Variants in TPRG1L observed in about 807,000 individuals in gnomAD.
The protein encoded by TPRG1L is tumor protein p63 regulated 1 like, also known as tumor protein p63-regulated gene 1-like protein.
A neutral mutation model predicts 29.4 loss-of-function variants in TPRG1L; 25 were observed. That is an observed-to-expected ratio of 0.85 (90% CI 0.62 to 1.19). The LOEUF (loss-of-function observed/expected upper bound fraction) is 1.19. Among genes scored for constraint, TPRG1L ranks in the 50% most tolerant of loss-of-function variants. The pLI, the probability that TPRG1L is intolerant of heterozygous loss-of-function variation, is 0.00. For missense variants in TPRG1L, 354 were observed against 364.4 expected (o/e 0.97, Z 0.23); for synonymous variants, 182 against 151.1 (o/e 1.20, Z -1.50).
chr1:3,625,541 G>T, intron 2 of TPRG1L, 26 bp downstream of exon 2: 1 of 1,572,548 alleles, frequency 6.4e-7, no homozygotes, highest in Non-Finnish European at 8.6e-7. Flanking sequence ...GCTCTCCTTG[G>T]TGGGGGGACT....
In TPRG1L at chr1:3,628,280, C is replaced by CA. The variant is rs1248235297; in HGVS notation, c.625-127dup. The CA allele has an allele frequency of 5.1e-6, 4 of 781,394 alleles. No individual in the cohort carries two copies. In the East Asian group the frequency reaches 8.0e-5, roughly 16 times the overall value. 48.4% of individuals were successfully genotyped at this position (781,394 alleles called of 1,614,324 possible). A position where few individuals can be genotyped will look rare whatever the true frequency, so the allele number is the denominator to read the frequency against. On this transcript the variant is annotated intron_variant, in intron 4 of 4. Coordinates refer to ENST00000378344, the MANE Select transcript of TPRG1L (RefSeq NM_182752.4). ...CAGGATGTGGCAGAGGCAGCCCTTT[C>CA]AAGTGAAGGGACGAAGAGATAGGCG...
At position 3,625,363 on chromosome 1, in the gene TPRG1L, G is replaced by A. The variant is rs1644476339; in HGVS notation, c.202-61G>A. The A allele has an allele frequency of 1.6e-5, 25 of 1,543,614 alleles. No homozygotes were observed. The South Asian group carries it at 2.9e-4, about 18-fold the overall frequency. On this transcript the variant is annotated intron_variant, in intron 1 of 4. Transcript: ENST00000378344. ...TCGGAGGCGGGCGCCGGGCGGTCCC[G>A]CAGGGAGCGAGCTGTGACCTGTGAT...
In TPRG1L at chr1:3,625,025, A is replaced by T. The variant is rs921823603; in HGVS notation, c.-48A>T. The T allele has an allele frequency of 8.5e-7, 1 of 1,178,694 alleles. No individual in the cohort carries two copies. Among genetic ancestry groups the T allele is most frequent in the East Asian group, 3.9e-5 (1 of 25,710 alleles). 73.0% of individuals were successfully genotyped at this position (1,178,694 alleles called of 1,614,324 possible). On this transcript the variant is annotated 5_prime_UTR_variant, in exon 1 of 5. Coordinates refer to ENST00000378344, the MANE Select transcript of TPRG1L (RefSeq NM_182752.4). ...CCGGGTGGTGGCGGTGGCTGCGGCG[A>T]CGGCGGTCGCGTCGGCGTCAGGGTC...
chr1:3,626,874 C>A (rs1195233406), intron 3 of TPRG1L, among the ~76,000 whole-genome samples: 2 of 152,148 alleles, frequency 1.3e-5, no homozygotes, highest in African/African-American at 4.8e-5. Context: ...CCACCGTGCC[C>A]AGCCAGTATT....
chr1:3,628,838 C>A lies in TPRG1L; in HGVS notation c.*235C>A. 1 of 416,914 alleles carries A rather than the reference C, an allele frequency of 2.4e-6. No homozygotes were observed. The highest frequency in any genetic ancestry group is 4.3e-6 in the Non-Finnish European group (1 of 233,258). 25.8% of individuals were successfully genotyped at this position (416,914 alleles called of 1,614,324 possible). ...TGCTCATATAAGCTACAGACAAAAG[C>A]CAAAAGACTCTCGCTGTCCCTGTGC... On this transcript the variant is annotated 3_prime_UTR_variant, in exon 5 of 5. Transcript: ENST00000378344.
Position 3,628,076 on chromosome 1 carries a change from C to T in TPRG1L, c.625-333C>T, listed in dbSNP as rs546091896. On this transcript the variant is annotated intron_variant, in intron 4 of 4. Coordinates refer to ENST00000378344, the MANE Select transcript of TPRG1L (RefSeq NM_182752.4). ...AGAGCCTGGCGGGGGTCCTGCACTT[C>T]CCCAGCTGTGTGCCTCGGCCTGGTT... is the stretch of plus-strand genomic sequence containing the variant. Among the ~76,000 whole-genome samples the T allele has an allele frequency of 1.3e-3, 198 of 152,332 alleles. 1 individual carries two copies. The highest frequency in any genetic ancestry group is 2.3e-3 in the Non-Finnish European group (157 of 68,034).
intron 3 of TPRG1L, among the ~76,000 whole-genome samples, chr1:3,626,669 C>T (rs1644491924): frequency 6.6e-6 from 1 of 151,278 alleles, no homozygotes; most frequent in Non-Finnish European, 1.5e-5. Context: ...TCCTCCACCT[C>T]CTAGGCTTAA....
At position 3,628,680 on chromosome 1, in the gene TPRG1L, G is replaced by A; in HGVS notation, c.*77G>A. The A allele has an allele frequency of 2.8e-6, 4 of 1,448,526 alleles. No individual in the cohort carries two copies. The highest frequency in any genetic ancestry group is 3.7e-6 in the Non-Finnish European group (4 of 1,072,212). 89.7% of individuals were successfully genotyped at this position (1,448,526 alleles called of 1,614,324 possible). The stretch of plus-strand genomic sequence containing the variant: ...AGAAGGCCAAGGGATGTGGGGGCTG[G>A]GGGACTGGGAGGCCTGGCAGTCTTC... On this transcript the variant is annotated 3_prime_UTR_variant, in exon 5 of 5. Transcript: ENST00000378344.
rs759374860 is a variant in TPRG1L at position 3,627,596 on chromosome 1, C to T, written c.567C>T (p.Ala189=). The change falls in exon 4 of 5, where the codon GCC becomes GCT. Residue 189 remains alanine (A), a synonymous_variant. Coordinates refer to ENST00000378344, the MANE Select transcript of TPRG1L (RefSeq NM_182752.4). ...WNPWSTNVPY[A]TFTEHPMAGA... The stretch of plus-strand genomic sequence containing the variant: ...CCTGGTCTACCAACGTGCCCTATGC[C>T]ACTTTCACAGAACACCCGATGGCTG... 11 of 1,613,954 alleles carry T rather than the reference C, an allele frequency of 6.8e-6. No homozygotes were observed. In the African/African-American group the frequency reaches 1.2e-4, roughly 18 times the overall value.
In TPRG1L at chr1:3,628,686, T is replaced by G. The variant is rs3795257; in HGVS notation, c.*83T>G. The G allele has an allele frequency of 0.051, 72,134 of 1,403,676 alleles. 2,881 individuals are homozygous for G. The highest frequency in any genetic ancestry group is 0.21 in the East Asian group (8,738 of 42,488). The allele number at this position is 1,403,676 out of a possible 1,614,324, so 87.0% of individuals were successfully genotyped here. On this transcript the variant is annotated 3_prime_UTR_variant, in exon 5 of 5. Transcript: ENST00000378344. ...CCAAGGGATGTGGGGGCTGGGGGAC[T>G]GGGAGGCCTGGCAGTCTTCATGCTG...
rs1570285876 is a variant in TPRG1L at position 3,629,719 on chromosome 1, T to TC, written c.*1118dup. 6.6e-6 allele frequency: 1 copy of TC among 152,276 alleles called. No homozygotes were observed. Among genetic ancestry groups the TC allele is most frequent in the African/African-American group, 2.4e-5 (1 of 41,446 alleles). The allele number at this position is 152,276 out of a possible 1,614,324, so 9.4% of individuals were successfully genotyped here. ...TCCAGCCCGGGCGACAGAGCGAGAC[T>TC]CCATCTACCAGATCCTTATGACGCA... On this transcript the variant is annotated 3_prime_UTR_variant, in exon 5 of 5. Coordinates refer to ENST00000378344, the MANE Select transcript of TPRG1L (RefSeq NM_182752.4).
chr1:3,625,641 C>T (rs1406371892), intron 2 of TPRG1L, 72 bp from the exon 3 acceptor site: 5 of 1,573,016 alleles, frequency 3.2e-6, no homozygotes, highest in Non-Finnish European at 3.5e-6. Flanking sequence ...GCTGCCCTTC[C>T]AGGCGGGCTG....
In TPRG1L at chr1:3,625,025, A is replaced by G; in HGVS notation, c.-48A>G. ...CCGGGTGGTGGCGGTGGCTGCGGCG[A>G]CGGCGGTCGCGTCGGCGTCAGGGTC... On this transcript the variant is annotated 5_prime_UTR_variant, in exon 1 of 5. Coordinates refer to ENST00000378344, the MANE Select transcript of TPRG1L (RefSeq NM_182752.4). 2 of 1,178,694 alleles carry G rather than the reference A, an allele frequency of 1.7e-6. No individual in the cohort carries two copies. The highest frequency in any genetic ancestry group is 2.1e-6 in the Non-Finnish European group (2 of 946,650). The allele number at this position is 1,178,694 out of a possible 1,614,324, so 73.0% of individuals were successfully genotyped here. A position where few individuals can be genotyped will look rare whatever the true frequency, so the allele number is the denominator to read the frequency against.
rs1216758896 is a variant in TPRG1L, at chr1:3,625,318, C to T, written c.201+45C>T. 4 of 1,436,584 alleles carry T rather than the reference C, an allele frequency of 2.8e-6. No homozygotes were observed. The Admixed American group carries it at 1.0e-4, about 36-fold the overall frequency. 89.0% of individuals were successfully genotyped at this position (1,436,584 alleles called of 1,614,324 possible). On this transcript the variant is annotated intron_variant, in intron 1 of 4. Coordinates refer to ENST00000378344, the MANE Select transcript of TPRG1L (RefSeq NM_182752.4). ...CGGGGCGGGGGCCGAGGGCGCGGGG[C>T]GGGATGGGGGCGGGTGGGGTCGGAG... is the stretch of plus-strand genomic sequence containing the variant.
In TPRG1L at chr1:3,625,067, G is replaced by A. The variant is rs1644472597; in HGVS notation, c.-6G>A. On this transcript the variant is annotated 5_prime_UTR_variant, in exon 1 of 5. Coordinates refer to ENST00000378344, the MANE Select transcript of TPRG1L (RefSeq NM_182752.4). Reference sequence around the variant, plus strand: ...GTCAGGGTCGGGGTCGGTAAGGGGTGCGGCAATGCTGCAACTGCGGGACTC... The same window carrying A: ...GTCAGGGTCGGGGTCGGTAAGGGGTACGGCAATGCTGCAACTGCGGGACTC... The A allele has an allele frequency of 1.7e-6, 2 of 1,208,532 alleles. No individual in the cohort carries two copies. Among genetic ancestry groups the A allele is most frequent in the Non-Finnish European group, 1.0e-6 (1 of 964,692 alleles). 74.9% of individuals were successfully genotyped at this position (1,208,532 alleles called of 1,614,324 possible).
At position 3,625,095 on chromosome 1, in the gene TPRG1L, T is replaced by G. The variant is rs1276579839; in HGVS notation, c.23T>G (p.Val8Gly). 1.7e-6 allele frequency: 2 copies of G among 1,210,324 alleles called. No individual in the cohort carries two copies. Among genetic ancestry groups the G allele is most frequent in the Non-Finnish European group, 2.1e-6 (2 of 968,768 alleles). 75.0% of individuals were successfully genotyped at this position (1,210,324 alleles called of 1,614,324 possible). MLQLRDS[V>G]DSAGTSPTAV... The stretch of plus-strand genomic sequence containing the variant: ...GCAATGCTGCAACTGCGGGACTCGG[T>G]GGACTCGGCCGGTACGAGCCCCACG... The change falls in exon 1 of 5, where the codon GTG becomes GGG. Residue 8 changes from valine (V) to glycine (G), a missense_variant. Transcript: ENST00000378344.
At position 3,628,858 on chromosome 1, in the gene TPRG1L, C is replaced by G. The variant is rs1331309078; in HGVS notation, c.*255C>G. 2.7e-6 allele frequency: 1 copy of G among 368,086 alleles called. No individual in the cohort carries two copies. The highest frequency in any genetic ancestry group is 4.2e-5 in the Admixed American group (1 of 23,730). The allele number at this position is 368,086 out of a possible 1,614,324, so 22.8% of individuals were successfully genotyped here. ...AAAAGCCAAAAGACTCTCGCTGTCC[C>G]TGTGCTGCTGGTATTTCATTCTCTG... On this transcript the variant is annotated 3_prime_UTR_variant, in exon 5 of 5. Coordinates refer to ENST00000378344, the MANE Select transcript of TPRG1L (RefSeq NM_182752.4).
Position 3,625,139 on chromosome 1 carries a change from G to T in TPRG1L, c.67G>T (p.Glu23Ter). The T allele has an allele frequency of 8.1e-7, 1 of 1,232,008 alleles. No individual in the cohort carries two copies. The allele number at this position is 1,232,008 out of a possible 1,614,324, so 76.3% of individuals were successfully genotyped here. Residue 23 changes from glutamate to a stop codon, truncating the protein, a stop_gained, in exon 1 of 5, where the codon GAG (glutamate) becomes TAG (stop). Coordinates refer to ENST00000378344, the MANE Select transcript of TPRG1L (RefSeq NM_182752.4). LOFTEE classifies it high-confidence loss of function. ...CCCCACGGCGGTGCTGGCGGCCGGC[G>T]AGGAGGTGGGGGCAGGCGGCGGCCC... The part of the protein sequence containing the change: ...TSPTAVLAAG[E>*]EVGAGGGPGG...
In TPRG1L at chr1:3,628,845, A is replaced by C; in HGVS notation, c.*242A>C. The C allele has an allele frequency of 2.5e-6, 1 of 400,374 alleles. No homozygotes were observed. The highest frequency in any genetic ancestry group is 4.0e-5 in the Admixed American group (1 of 24,800). The allele number at this position is 400,374 out of a possible 1,614,324, so 24.8% of individuals were successfully genotyped here. A position where few individuals can be genotyped will look rare whatever the true frequency, so the allele number is the denominator to read the frequency against. On this transcript the variant is annotated 3_prime_UTR_variant, in exon 5 of 5. Transcript: ENST00000378344. ...ATAAGCTACAGACAAAAGCCAAAAG[A>C]CTCTCGCTGTCCCTGTGCTGCTGGT... is the stretch of plus-strand genomic sequence containing the variant.
Sources: gnomAD v4.1 joint callset for allele counts (sites outside exome capture counted in the v4.1 genomes callset) on GRCh38, gnomAD v4.1.1 for gene constraint, MANE v1.5 for transcripts, NCBI Gene and HGNC (gene_info 2026-07-23, HGNC 2026-07-21) for gene names.